Variants in PSD3 observed in about 807,000 individuals in gnomAD.
PSD3 encodes the protein pleckstrin and Sec7 domain containing 3, also known as PH and SEC7 domain-containing protein 3.
PSD3 carries 49 observed loss-of-function variants against 105.5 expected under a neutral mutation model. That is an observed-to-expected ratio of 0.46 (90% CI 0.37 to 0.59). PSD3 has a LOEUF of 0.59. Among genes scored for constraint, PSD3 ranks in the 20% least tolerant of loss-of-function variants. The pLI, the probability that PSD3 is intolerant of heterozygous loss-of-function variation, is 0.00. For missense variants in PSD3, 1,561 were observed against 1,263.8 expected (o/e 1.24, Z -3.57); for synonymous variants, 557 against 457.8 (o/e 1.22, Z -2.77).
intron 12 of PSD3, among the ~76,000 whole-genome samples, chr8:18,586,332 T>C: frequency 6.6e-6 from 1 of 152,174 alleles, no homozygotes; most frequent in East Asian, 1.9e-4. Context: ...TTGTGACTTT[T>C]TTGTTTATTT....
chr8:18,658,376 T>A (rs987751134), intron 9 of PSD3, among the ~76,000 whole-genome samples: 11 of 152,202 alleles, frequency 7.2e-5, no homozygotes, highest in Admixed American at 2.6e-4. Context: ...ATTCCCTTGA[T>A]TCTTCTTTAT....
chr8:18,544,171 C>CAAAAAAAAAAAAAAAAAAAAAAAAAACA (rs1800310925), intron 15 of PSD3, among the ~76,000 whole-genome samples: 4 of 106,692 alleles, frequency 3.7e-5, no homozygotes, highest in East Asian at 2.9e-4. Flanking sequence ...AGAAACAAAC[C>CAAAAAAAAAAAAAAAAAAAAAAAAAACA]AAAAAAAAAA....
At chr8:18,971,558 G>A (rs948911360) in intron 1 of PSD3, among the ~76,000 whole-genome samples, 1 of 152,180 alleles carries the variant, frequency 6.6e-6, no homozygotes, top group Non-Finnish European at 1.5e-5. Flanking sequence ...GAATGAGGCT[G>A]CAGCCCCCGG....
intron 8 of PSD3, among the ~76,000 whole-genome samples, chr8:18,766,005 C>G (rs1806965939): frequency 6.7e-6 from 1 of 150,104 alleles, no homozygotes; most frequent in African/African-American, 2.4e-5. Flanking sequence ...GACAAACAAA[C>G]AAACAAATAA....
intron 1 of PSD3, among the ~76,000 whole-genome samples, chr8:19,067,945 C>G (rs150079121): frequency 2.0e-5 from 3 of 152,230 alleles, no homozygotes; most frequent in African/African-American, 7.2e-5. Context: ...CTTGTGGGTA[C>G]GAAGGAAAAT....
At chr8:18,841,601 G>C (rs185375016) in intron 4 of PSD3, among the ~76,000 whole-genome samples, 1 of 152,250 alleles carries the variant, frequency 6.6e-6, no homozygotes, top group Admixed American at 6.5e-5. Context: ...CAGGACACTG[G>C]TGAATGTGTG....
chr8:18,990,590 T>C (rs1316910929), intron 1 of PSD3, among the ~76,000 whole-genome samples: 1 of 152,284 alleles, frequency 6.6e-6, no homozygotes, highest in African/African-American at 2.4e-5. Flanking sequence ...TCTCACTCCA[T>C]GTGGTTTGGC....
At position 18,560,707 on chromosome 8, in the gene PSD3, T is replaced by C. The variant is rs114821680; in HGVS notation, c.2785-4355A>G. 6.1e-3 allele frequency among the ~76,000 whole-genome samples: 933 copies of C among 152,312 alleles called. 17 individuals carry two copies. Among genetic ancestry groups the C allele is most frequent in the African/African-American group, 0.022 (899 of 41,572 alleles). ...CACTTAGGATTTCATTTACTTATAT[T>C]AGGGGTTAATCCCCAAAGTATATAA... On this transcript the variant is annotated intron_variant, in intron 14 of 15. Coordinates refer to ENST00000327040, the MANE Select transcript of PSD3 (RefSeq NM_015310.4).
At chr8:18,864,295 C>T (rs1000113885) in intron 4 of PSD3, among the ~76,000 whole-genome samples, 1 of 152,190 alleles carries the variant, frequency 6.6e-6, no homozygotes, top group African/African-American at 2.4e-5. Context: ...TAGCAAGTTA[C>T]TCAACCTCTC....
intron 9 of PSD3, among the ~76,000 whole-genome samples, chr8:18,723,524 C>A (rs190155970): frequency 6.6e-6 from 1 of 152,160 alleles, no homozygotes; most frequent in African/African-American, 2.4e-5. Context: ...CACAGAGCGA[C>A]ATCCTGAAAG....
At position 19,033,240 on chromosome 8, in the gene PSD3, AT is replaced by A. The variant is rs149436225; in HGVS notation, c.324+50965del. On this transcript the variant is annotated intron_variant, in intron 1 of 1. Coordinates refer to the PSD3 transcript ENST00000521475. ...AGATAGAGAAAGATACACAACCAAC[AT>A]TTTTTTTATGTGAGATTTTCTACTT... Among the ~76,000 whole-genome samples, 78 of 152,092 alleles carry A rather than the reference AT, an allele frequency of 5.1e-4. No individual in the cohort carries two copies. The South Asian group carries it at 0.012, about 24-fold the overall frequency.
chr8:18,822,249 A>G (rs1812804589), intron 4 of PSD3, among the ~76,000 whole-genome samples: 1 of 152,206 alleles, frequency 6.6e-6, no homozygotes, highest in African/African-American at 2.4e-5. Flanking sequence ...GGTCTTGTAC[A>G]TGATACAAAG....
At chr8:18,722,582 T>C (rs1487750) in intron 9 of PSD3, among the ~76,000 whole-genome samples, 139,365 of 152,018 alleles carry the variant, frequency 0.92, 64,016 homozygotes, top group Non-Finnish European at 0.95. Flanking sequence ...CATTTCCACC[T>C]GAAGGAAGTA....
At chr8:18,842,744 AT>A (rs1055469751) in intron 4 of PSD3, among the ~76,000 whole-genome samples, 2 of 151,710 alleles carry the variant, frequency 1.3e-5, no homozygotes, top group African/African-American at 4.8e-5. Context: ...AAAAAAAAAA[AT>A]TGTATGGCTT....
chr8:19,075,282 C>G (rs1387784568), intron 1 of PSD3, among the ~76,000 whole-genome samples: 1 of 152,048 alleles, frequency 6.6e-6, no homozygotes, highest in Non-Finnish European at 1.5e-5. Context: ...ATTTATTTTC[C>G]TTGTAGAGAT....
chr8:18,771,508 G>T (rs11203994), intron 8 of PSD3, among the ~76,000 whole-genome samples: 66,077 of 152,056 alleles, frequency 0.43, 17,009 homozygotes, highest in Non-Finnish European at 0.58. Context: ...CCCATTTTGA[G>T]TTCATTTTTG....
Position 18,840,204 on chromosome 8 carries a change from T to TC in PSD3, c.1634+27469dup, listed in dbSNP as rs1005224062. Among the ~76,000 whole-genome samples the TC allele has an allele frequency of 3.9e-5, 6 of 152,144 alleles. No individual in the cohort carries two copies. In the South Asian group the frequency reaches 8.3e-4, roughly 21 times the overall value. ...GAGAACTACCACCCACCTGCAAATG[T>TC]CCCCCCCACATCATTCTCAGCAGCT... On this transcript the variant is annotated intron_variant, in intron 4 of 15. Coordinates refer to ENST00000327040, the MANE Select transcript of PSD3 (RefSeq NM_015310.4).
At chr8:18,538,221 T>C (rs962904838) in intron 15 of PSD3, among the ~76,000 whole-genome samples, 3 of 152,250 alleles carry the variant, frequency 2.0e-5, no homozygotes, top group East Asian at 3.9e-4. Flanking sequence ...AGTATTGTTA[T>C]TTGCAGTTTA....
intron 4 of PSD3, among the ~76,000 whole-genome samples, chr8:18,844,223 G>A (rs987554229): frequency 9.2e-5 from 14 of 152,074 alleles, no homozygotes; most frequent in African/African-American, 2.2e-4. Context: ...CTTCAAATAC[G>A]AAGGTACCAT....
Sources: gnomAD v4.1 joint callset for allele counts (sites outside exome capture counted in the v4.1 genomes callset) on GRCh38, gnomAD v4.1.1 for gene constraint, MANE v1.5 for transcripts, NCBI Gene and HGNC (gene_info 2026-07-23, HGNC 2026-07-21) for gene names.